The following COMMD10 variants were observed in gnomAD, a reference collection of about 807,000 sequenced individuals.
COMMD10 encodes COMM domain containing 10, also known as COMM domain-containing protein 10.
Under a neutral mutation model 28.9 loss-of-function variants are expected in COMMD10, and 33 were observed. The observed-to-expected ratio is 1.14, with a 90% CI of 0.87 to 1.53. The LOEUF is 1.53. Ranked by LOEUF, COMMD10 falls within the 40% of genes most tolerant of loss-of-function variation. The pLI is 0.00. For synonymous variants in COMMD10, 110 were observed against 81.7 expected (o/e 1.35, Z -1.87); for missense variants, 310 against 233.4 (o/e 1.33, Z -2.14).
Position 116,196,726 on chromosome 5 carries a change from CTA to C in COMMD10, c.510+62550_510+62551del, listed in dbSNP as rs368273025. ...ATGCTGTTAGTCACAGAAATACTAA[CTA>C]TGTGTATATGAATGGCTTTTCACAG... On this transcript the variant is annotated intron_variant, in intron 5 of 6. Coordinates refer to ENST00000274458, the MANE Select transcript of COMMD10 (RefSeq NM_016144.4). Among the ~76,000 whole-genome samples, 706 of 141,436 alleles carry C rather than the reference CTA, an allele frequency of 5.0e-3. 4 individuals carry two copies. The highest frequency in any genetic ancestry group is 0.02 in the African/African-American group (665 of 33,312). The allele number at this position is 141,436 out of a possible 152,430, so 92.8% of individuals were successfully genotyped here. A position where few individuals can be genotyped will look rare whatever the true frequency, so the allele number is the denominator to read the frequency against.
intron 4 of COMMD10, among the ~76,000 whole-genome samples, chr5:116,096,772 A>T: frequency 6.6e-6 from 1 of 151,954 alleles, no homozygotes; most frequent in East Asian, 1.9e-4. Flanking sequence ...CTGTATTCTT[A>T]CTACTCTCAA....
intron 5 of COMMD10, among the ~76,000 whole-genome samples, chr5:116,274,316 C>T (rs1456252358): frequency 6.6e-6 from 1 of 151,848 alleles, no homozygotes; most frequent in East Asian, 1.9e-4. Context: ...AAACTTTCTT[C>T]TGTAAAACAC....
intron 5 of COMMD10, among the ~76,000 whole-genome samples, chr5:116,150,210 A>T (rs578170318): frequency 1.3e-5 from 2 of 152,012 alleles, no homozygotes; most frequent in African/African-American, 4.8e-5. Context: ...TGTTCCATTG[A>T]TCTATATCTC....
At chr5:116,097,706 G>A (rs1179629153) in intron 4 of COMMD10, among the ~76,000 whole-genome samples, 2 of 152,162 alleles carry the variant, frequency 1.3e-5, no homozygotes, top group Admixed American at 1.3e-4. Flanking sequence ...GAAGCATGAT[G>A]TGCTGGCATC....
intron 5 of COMMD10, among the ~76,000 whole-genome samples, chr5:116,194,029 C>G (rs559489223): frequency 6.6e-6 from 1 of 152,192 alleles, no homozygotes; most frequent in South Asian, 2.1e-4. Flanking sequence ...CAAAACCATG[C>G]AAATACATGG....
intron 4 of COMMD10, among the ~76,000 whole-genome samples, chr5:116,120,230 T>A (rs1387082631): frequency 2.0e-5 from 3 of 152,154 alleles, no homozygotes; most frequent in Admixed American, 6.5e-5. Context: ...GAGGCCAGTT[T>A]TCTAAATGAA....
chr5:116,086,218 A>C (rs1750087956), intron 1 of COMMD10, among the ~76,000 whole-genome samples: 1 of 152,190 alleles, frequency 6.6e-6, no homozygotes. Flanking sequence ...CTGAAGTGGG[A>C]ATCAGCTTTA....
In COMMD10 at chr5:116,131,924, T is replaced by A. The variant is rs539862272; in HGVS notation, c.400-2144T>A. ...TGTTTCACTGTGGCTAAATTATAGA[T>A]AATTAGTAATATGTTTTAGAACGTA... is the stretch of plus-strand genomic sequence containing the variant. On this transcript the variant is annotated intron_variant, in intron 4 of 6. Transcript: ENST00000274458. Among the ~76,000 whole-genome samples the A allele has an allele frequency of 2.0e-5, 3 of 152,168 alleles. No homozygotes were observed. In the South Asian group the frequency reaches 6.2e-4, roughly 32 times the overall value.
chr5:116,233,894 G>T (rs1749592185), intron 5 of COMMD10, among the ~76,000 whole-genome samples: 1 of 152,128 alleles, frequency 6.6e-6, no homozygotes. Flanking sequence ...TGAGGAATTT[G>T]CATAGAAAAT....
chr5:116,229,750 GA>G (rs1749481996), intron 5 of COMMD10, among the ~76,000 whole-genome samples: 1 of 151,912 alleles, frequency 6.6e-6, no homozygotes, highest in Non-Finnish European at 1.5e-5. Context: ...TCCAGCAAGT[GA>G]AAAGATATAT....
At chr5:116,219,348 G>C (rs1749186387) in intron 5 of COMMD10, among the ~76,000 whole-genome samples, 1 of 151,994 alleles carries the variant, frequency 6.6e-6, no homozygotes, top group African/African-American at 2.4e-5. Flanking sequence ...CGGAATAACA[G>C]CTCCTCACAG....
intron 4 of COMMD10, among the ~76,000 whole-genome samples, chr5:116,130,403 A>C (rs1012894666): frequency 1.3e-5 from 2 of 151,896 alleles, no homozygotes; most frequent in Admixed American, 6.6e-5. Context: ...GTTTTCTGTT[A>C]TCCGGGGACT....
At chr5:116,207,269 C>T (rs961793734) in intron 5 of COMMD10, among the ~76,000 whole-genome samples, 1 of 152,084 alleles carries the variant, frequency 6.6e-6, no homozygotes, top group Non-Finnish European at 1.5e-5. Flanking sequence ...TGTTTTATAT[C>T]AATATGAACT....
At chr5:116,099,968 A>G (rs1444510317) in intron 4 of COMMD10, among the ~76,000 whole-genome samples, 3 of 152,120 alleles carry the variant, frequency 2.0e-5, no homozygotes, top group Non-Finnish European at 2.9e-5. Context: ...ACATAATGAG[A>G]TGTCTTGGGG....
At chr5:116,197,280 T>C (rs538636662) in intron 5 of COMMD10, among the ~76,000 whole-genome samples, 16,938 of 152,108 alleles carry the variant, frequency 0.11, 1,354 homozygotes, top group African/African-American at 0.22. Context: ...AGGATAACAT[T>C]TTTTACTTTG....
At chr5:116,216,206 A>G (rs897845275) in intron 5 of COMMD10, among the ~76,000 whole-genome samples, 2 of 152,210 alleles carry the variant, frequency 1.3e-5, no homozygotes, top group Non-Finnish European at 2.9e-5. Flanking sequence ...ATTTTTAACC[A>G]TTACACAAGA....
intron 5 of COMMD10, among the ~76,000 whole-genome samples, chr5:116,158,006 C>G (rs1752775168): frequency 6.6e-6 from 1 of 151,292 alleles, no homozygotes; most frequent in African/African-American, 2.4e-5. Flanking sequence ...AGGTGTGCCT[C>G]CAAAGTCTGT....
chr5:116,217,803 G>A (rs1749143129), intron 5 of COMMD10, among the ~76,000 whole-genome samples: 1 of 152,000 alleles, frequency 6.6e-6, no homozygotes, highest in African/African-American at 2.4e-5. Context: ...AAAACTAGAA[G>A]GGAAAAGTGT....
chr5:116,202,017 C>T (rs1028012796), intron 5 of COMMD10, among the ~76,000 whole-genome samples: 10 of 151,156 alleles, frequency 6.6e-5, no homozygotes, highest in Admixed American at 5.3e-4. Context: ...AGGTATATCT[C>T]CTAATGCTAT....
Sources: gnomAD v4.1 joint callset for allele counts (sites outside exome capture counted in the v4.1 genomes callset) on GRCh38, gnomAD v4.1.1 for gene constraint, MANE v1.5 for transcripts, NCBI Gene and HGNC (gene_info 2026-07-23, HGNC 2026-07-21) for gene names.